Variants in HEATR6 observed in about 807,000 individuals in gnomAD.
The protein encoded by HEATR6 is HEAT repeat containing 6.
A neutral mutation model predicts 132.8 loss-of-function variants in HEATR6; 106 were observed. The ratio of observed to expected loss-of-function variants is 0.80; its 90% confidence interval spans 0.68 to 0.94. HEATR6 has a LOEUF of 0.94. HEATR6 is among the 40% of genes least tolerant of loss of function. The probability of loss-of-function intolerance (pLI) is 0.00; values close to 1 mark genes in which losing one functional copy is unlikely to be tolerated. For synonymous variants in HEATR6, 529 were observed against 537.8 expected (o/e 0.98, Z 0.23); for missense variants, 1,339 against 1,425.1 (o/e 0.94, Z 0.97).
At chr17:60,068,211 T>A (rs1169252503) in intron 7 of HEATR6, among the ~76,000 whole-genome samples, 1 of 152,202 alleles carries the variant, frequency 6.6e-6, no homozygotes, top group African/African-American at 2.4e-5. Context: ...CCACTCCACA[T>A]GCCTGCACAG....
chr17:60,064,454 T>C (rs1315317663), intron 9 of HEATR6: 1 of 152,268 alleles, frequency 6.6e-6, no homozygotes, highest in Admixed American at 6.5e-5. Flanking sequence ...AAACAATAAT[T>C]ACCACACTTA....
Position 60,055,584 on chromosome 17 carries a change from G to A in HEATR6, c.2220C>T (p.Gly740=), listed in dbSNP as rs1906715218. ...LHGAKLLEEL[G]TGLIQQYKPD... ...GTTTATACTGCTGTATTAAGCCTGT[G>A]CCCAGTTCTTCCAGAAGCTGCCAAG... is the stretch of plus-strand genomic sequence containing the variant. Residue 740 remains glycine (G), a synonymous_variant, in exon 14 of 20, where the codon GGC becomes GGT. Transcript: ENST00000184956. 1 of 1,610,770 alleles carries A rather than the reference G, an allele frequency of 6.2e-7. No homozygotes were observed. Among genetic ancestry groups the A allele is most frequent in the East Asian group, 2.2e-5 (1 of 44,810 alleles).
intron 13 of HEATR6, 77 bp from the exon 14 acceptor site, chr17:60,055,678 G>A: frequency 1.0e-6 from 1 of 958,440 alleles, no homozygotes; most frequent in Non-Finnish European, 1.6e-6. Context: ...CTTCACTCTA[G>A]TAACACCTTC....
Position 60,054,299 on chromosome 17 carries a change from T to C in HEATR6, c.2289+1216A>G, listed in dbSNP as rs1049619124. On this transcript the variant is annotated intron_variant, in intron 14 of 19. Coordinates refer to ENST00000184956, the MANE Select transcript of HEATR6 (RefSeq NM_022070.5). ...CGAAGAAGGCTTGGGAGCTTCCACC[T>C]AGATTTCAGAGGATTCCCTAAGCCT... is the stretch of plus-strand genomic sequence containing the variant. Among the ~76,000 whole-genome samples, 21 of 152,348 alleles carry C rather than the reference T, an allele frequency of 1.4e-4. No individual in the cohort carries two copies. The East Asian group carries it at 3.9e-3, about 28-fold the overall frequency.
intron 12 of HEATR6, 107 bp downstream of exon 12, chr17:60,056,941 C>G: frequency 1.4e-6 from 1 of 739,176 alleles, no homozygotes; most frequent in Non-Finnish European, 2.2e-6. Flanking sequence ...ACAATTCCCA[C>G]GAACACAATT....
chr17:60,076,359 G>C (rs1002587272), intron 1 of HEATR6, 122 bp from the exon 2 acceptor site: 6 of 601,790 alleles, frequency 1.0e-5, no homozygotes, highest in Admixed American at 3.0e-5. Context: ...GAAAATGTGA[G>C]GCAGGAAGGA....
chr17:60,071,569 G>A (rs1282920054), intron 5 of HEATR6, among the ~76,000 whole-genome samples: 1 of 152,160 alleles, frequency 6.6e-6, no homozygotes, highest in East Asian at 1.9e-4. Flanking sequence ...CTTGTCCAAG[G>A]TCTTCCAGCC....
rs549059644 is a variant in HEATR6 at position 60,047,299 on chromosome 17, G to T, written c.2769+10C>A. ...TGTTTGGGAGATACTGGGTTTTGTT[G>T]TGAGTCTACCTTGTCTTTATCCTTG... On this transcript the variant is annotated intron_variant, in intron 18 of 19. Coordinates refer to ENST00000184956, the MANE Select transcript of HEATR6 (RefSeq NM_022070.5). 384 of 1,571,804 alleles carry T rather than the reference G, an allele frequency of 2.4e-4. 6 individuals carry two copies. In the South Asian group the frequency reaches 4.2e-3, roughly 17 times the overall value.
intron 9 of HEATR6, chr17:60,063,326 G>A (rs1391151394): frequency 6.6e-6 from 1 of 152,092 alleles, no homozygotes; most frequent in Admixed American, 6.6e-5. Context: ...CAAGACAAAG[G>A]TTTGCCCTGT....
At chr17:60,055,715 A>T (rs1906721611) in intron 13 of HEATR6, 114 bp from the exon 14 acceptor site, 1 of 628,428 alleles carries the variant, frequency 1.6e-6, no homozygotes, top group Non-Finnish European at 2.7e-6. Flanking sequence ...CACTCGAGTA[A>T]CACCTTCACT....
At chr17:60,048,978 TATATA>T (rs201375276) in intron 16 of HEATR6, among the ~76,000 whole-genome samples, 2,233 of 64,484 alleles carry the variant, frequency 0.035, 106 homozygotes, top group African/African-American at 0.2. Flanking sequence ...ATAACATATA[TATATA>T]ATATATATAT....
Position 60,046,213 on chromosome 17 carries a change from AC to A in HEATR6, c.2785del (p.Val929SerfsTer16). Reference sequence around the variant, plus strand: ...ATGAAGCAAATTTCCAAGGGCCCGGACTGCATTGCTTTTTACCTAGAAAAAA... The same window carrying A: ...ATGAAGCAAATTTCCAAGGGCCCGGATGCATTGCTTTTTACCTAGAAAAAA... ...KDKDKVKSNA[V>X]RALGNLLHFL... On this transcript the variant is annotated frameshift_variant, in exon 19 of 20. Transcript: ENST00000184956. LOFTEE classifies it high-confidence loss of function. The A allele has an allele frequency of 6.2e-7, 1 of 1,609,172 alleles. No individual in the cohort carries two copies. Among genetic ancestry groups the A allele is most frequent in the Non-Finnish European group, 8.5e-7 (1 of 1,178,052 alleles).
intron 9 of HEATR6, among the ~76,000 whole-genome samples, chr17:60,061,437 CGA>C (rs985055148): frequency 8.7e-4 from 132 of 152,246 alleles, no homozygotes; most frequent in African/African-American, 3.1e-3. Context: ...TGTGAAAAAA[CGA>C]GAGAGCGAGA....
chr17:60,046,454 G>A (rs1906370484), intron 18 of HEATR6, among the ~76,000 whole-genome samples: 1 of 152,098 alleles, frequency 6.6e-6, no homozygotes, highest in African/African-American at 2.4e-5. Flanking sequence ...GTGCTAGACA[G>A]GACCTCAGAG....
chr17:60,060,406 A>C (rs1465754936), intron 9 of HEATR6, among the ~76,000 whole-genome samples: 4 of 152,122 alleles, frequency 2.6e-5, no homozygotes, highest in Non-Finnish European at 5.9e-5. Flanking sequence ...CAGCCTCCCA[A>C]GTAGCTAGGA....
intron 6 of HEATR6, among the ~76,000 whole-genome samples, chr17:60,070,226 C>A (rs931409213): frequency 6.6e-6 from 1 of 152,120 alleles, no homozygotes; most frequent in Non-Finnish European, 1.5e-5. Context: ...GATGTGGGAG[C>A]AAGAGAATGC....
chr17:60,059,177 G>A (rs904371716), intron 11 of HEATR6, among the ~76,000 whole-genome samples: 3 of 152,120 alleles, frequency 2.0e-5, no homozygotes, highest in African/African-American at 7.2e-5. Flanking sequence ...GGATACTCTG[G>A]TCACTGCCCT....
rs973578671 is a variant in HEATR6, at chr17:60,059,461, T to C, written c.1684A>G (p.Lys562Glu). The C allele has an allele frequency of 1.9e-6, 3 of 1,613,700 alleles. No homozygotes were observed. Among genetic ancestry groups the C allele is most frequent in the Middle Eastern group, 1.6e-4 (1 of 6,084 alleles). Residue 562 changes from lysine to glutamate, a missense_variant, in exon 11 of 20, where the codon AAA (lysine) becomes GAA (glutamate). Transcript: ENST00000184956. Reference protein sequence around the residue: ...YDRLKLSLLTKVWNQIKPYIR... With the variant: ...YDRLKLSLLTEVWNQIKPYIR... ...TAAGGCTTTATCTGGTTCCAGACTT[T>C]GGTCAGCAGGCTGAGTTTTAGACGA...
chr17:60,073,788 G>C lies in HEATR6; in HGVS notation c.426C>G (p.Ala142=). The part of the protein sequence containing the change: ...SSWTHREILQ[A]LAALVYCNGS... ...CATTGCAGTACACCAGAGCTGCCAGGGCTTGAAGAATTTCCCTGTGTGTCC... is the reference window on the plus strand; with the variant it reads ...CATTGCAGTACACCAGAGCTGCCAGCGCTTGAAGAATTTCCCTGTGTGTCC... The change falls in exon 3 of 20, where the codon GCC becomes GCG. Residue 142 remains alanine, a synonymous_variant. Transcript: ENST00000184956. The C allele has an allele frequency of 1.2e-6, 2 of 1,614,050 alleles. No homozygotes were observed. Among genetic ancestry groups the C allele is most frequent in the South Asian group, 2.2e-5 (2 of 91,078 alleles).
Sources: gnomAD v4.1 joint callset for allele counts (sites outside exome capture counted in the v4.1 genomes callset) on GRCh38, gnomAD v4.1.1 for gene constraint, MANE v1.5 for transcripts, NCBI Gene and HGNC (gene_info 2026-07-23, HGNC 2026-07-21) for gene names.